The following HSPA12A variants were observed in gnomAD, a reference collection of about 807,000 sequenced individuals.
HSPA12A encodes heat shock 70 kDa protein 12A.
In HSPA12A, 28 loss-of-function variants were observed where a neutral mutation model predicts 69.2. The observed-to-expected ratio is 0.40, with a 90% CI of 0.30 to 0.55. The LOEUF is 0.55. HSPA12A is among the 20% of genes least tolerant of loss of function. The pLI, the probability that HSPA12A is intolerant of heterozygous loss-of-function variation, is 0.38. For synonymous variants in HSPA12A, 345 were observed against 370.5 expected, an observed-to-expected ratio of 0.93 and a Z score of 0.79; for missense variants, 686 against 900.7, an observed-to-expected ratio of 0.76 and a Z score of 3.05.
rs1473518003 is a variant in HSPA12A, at chr10:116,675,525, TGGGA to T, written c.1391-111_1391-108del. Reference sequence around the variant, plus strand: ...GAACGGATAAAGCCACTTGGGCCACTGGGAGGGCAGGCTTACTCTGAGCTCCTTG... The same window carrying T: ...GAACGGATAAAGCCACTTGGGCCACTGGGCAGGCTTACTCTGAGCTCCTTG... On this transcript the variant is annotated intron_variant, in intron 11 of 11. Coordinates refer to ENST00000369209, the MANE Select transcript of HSPA12A (RefSeq NM_025015.3). The surrounding 1 kb of genome is among the most constrained non-coding windows in gnomAD (Gnocchi z 5.2). The T allele has an allele frequency of 8.2e-5, 98 of 1,200,506 alleles. No homozygotes were observed. The highest frequency in any genetic ancestry group is 4.0e-4 in the Admixed American group (14 of 35,120). The allele number at this position is 1,200,506 out of a possible 1,614,324, so 74.4% of individuals were successfully genotyped here. A position where few individuals can be genotyped will look rare whatever the true frequency, so the allele number is the denominator to read the frequency against.
chr10:116,724,504 G>C (rs1204158187), intron 1 of HSPA12A, among the ~76,000 whole-genome samples: 12 of 152,120 alleles, frequency 7.9e-5, no homozygotes, highest in Non-Finnish European at 4.4e-5. Context: ...GCTGGATTTT[G>C]TGACAGCCCC....
chr10:116,838,151 G>A (rs77634324), intron 1 of HSPA12A, among the ~76,000 whole-genome samples: 6,315 of 152,218 alleles, frequency 0.041, 423 homozygotes, highest in African/African-American at 0.14. Context: ...TATTTGATCG[G>A]TGGTCTAGGC....
In HSPA12A at chr10:116,710,085, T is replaced by C. The variant is rs781819278; in HGVS notation, c.41-2800A>G. ...TCCCAGCACAAGGGAACCCCTTCCA[T>C]GAATGCAGGGGGAACTCTGCCTCCC... is the stretch of plus-strand genomic sequence containing the variant. On this transcript the variant is annotated intron_variant, in intron 1 of 11. Coordinates refer to ENST00000369209, the MANE Select transcript of HSPA12A (RefSeq NM_025015.3). The surrounding 1 kb of genome is among the most constrained non-coding windows in gnomAD (Gnocchi z 4.1). Among the ~76,000 whole-genome samples the C allele has an allele frequency of 4.0e-4, 61 of 152,290 alleles. No individual in the cohort carries two copies. Among genetic ancestry groups the C allele is most frequent in the Middle Eastern group, 6.8e-3 (2 of 294 alleles).
intron 1 of HSPA12A, among the ~76,000 whole-genome samples, chr10:116,721,203 G>A (rs1554884338): frequency 6.6e-6 from 1 of 152,152 alleles, no homozygotes; most frequent in Non-Finnish European, 1.5e-5. Flanking sequence ...AATTTCAAGG[G>A]TAACTAATCT....
intron 2 of HSPA12A, among the ~76,000 whole-genome samples, chr10:116,779,221 T>G (rs151251192): frequency 2.6e-5 from 4 of 152,264 alleles, no homozygotes; most frequent in Non-Finnish European, 5.9e-5. Flanking sequence ...GTGGGTGTAA[T>G]GAGTCACTGC....
intron 1 of HSPA12A, among the ~76,000 whole-genome samples, chr10:116,715,759 C>T (rs1298309394): frequency 6.6e-6 from 1 of 152,180 alleles, no homozygotes; most frequent in African/African-American, 2.4e-5. Context: ...AGCACCTGGC[C>T]CATACATGGT....
At chr10:116,771,609 G>T (rs1410335786) in intron 2 of HSPA12A, among the ~76,000 whole-genome samples, 6 of 152,236 alleles carry the variant, frequency 3.9e-5, no homozygotes, top group Non-Finnish European at 7.3e-5. Flanking sequence ...GGATGGGACG[G>T]CAATTGCGAA....
intron 2 of HSPA12A, chr10:116,830,489 T>C (rs1020841791): frequency 6.6e-6 from 1 of 152,192 alleles, no homozygotes; most frequent in Non-Finnish European, 1.5e-5. Context: ...AATATGCATA[T>C]ATGGGCTGGT....
intron 1 of HSPA12A, among the ~76,000 whole-genome samples, chr10:116,713,011 T>TATATATATATATA (rs1554883335): frequency 7.4e-4 from 97 of 130,934 alleles, no homozygotes; most frequent in African/African-American, 1.2e-3. Flanking sequence ...TATATATATA[T>TATATATATATATA]TTGCATTTCT....
intron 1 of HSPA12A, among the ~76,000 whole-genome samples, chr10:116,714,687 A>G (rs1554883571): frequency 6.6e-6 from 1 of 152,170 alleles, no homozygotes; most frequent in African/African-American, 2.4e-5. Flanking sequence ...CCCATGCAAT[A>G]AAGTCCAGCA....
At chr10:116,782,813 C>T (rs1554891945) in intron 2 of HSPA12A, among the ~76,000 whole-genome samples, 1 of 152,148 alleles carries the variant, frequency 6.6e-6, no homozygotes, top group Non-Finnish European at 1.5e-5. Flanking sequence ...CAATGTTCTA[C>T]GTCTTAAGCT....
chr10:116,674,664 C>G lies in HSPA12A; in HGVS notation c.*117G>C. On this transcript the variant is annotated 3_prime_UTR_variant, in exon 12 of 12. Coordinates refer to ENST00000369209, the MANE Select transcript of HSPA12A (RefSeq NM_025015.3). ...CTAGCCCTGATTGTTCTCATCTTCC[C>G]TGCTGAAATTCACATGGGCAATGGT... is the stretch of plus-strand genomic sequence containing the variant. 1.9e-6 allele frequency: 2 copies of G among 1,027,320 alleles called. No homozygotes were observed. The allele number at this position is 1,027,320 out of a possible 1,614,324, so 63.6% of individuals were successfully genotyped here. A position where few individuals can be genotyped will look rare whatever the true frequency, so the allele number is the denominator to read the frequency against.
At chr10:116,834,329 T>C (rs1845672107) in intron 2 of HSPA12A, among the ~76,000 whole-genome samples, 1 of 152,138 alleles carries the variant, frequency 6.6e-6, no homozygotes, top group Admixed American at 6.5e-5. Context: ...TTTAAAAGTG[T>C]GAATGTAAAT....
intron 1 of HSPA12A, among the ~76,000 whole-genome samples, chr10:116,717,604 T>A (rs782420544): frequency 6.6e-6 from 1 of 152,138 alleles, no homozygotes; most frequent in African/African-American, 2.4e-5. Context: ...TGGGCATCTA[T>A]ATCTGTAAAA....
At chr10:116,709,385 G>A (rs1187520812) in intron 1 of HSPA12A, among the ~76,000 whole-genome samples, 3 of 150,568 alleles carry the variant, frequency 2.0e-5, no homozygotes, top group Admixed American at 6.6e-5. Context: ...GAGGCGGAGG[G>A]TGCAGTGAGC....
chr10:116,708,820 G>A (rs1850337761), intron 1 of HSPA12A, among the ~76,000 whole-genome samples: 1 of 152,218 alleles, frequency 6.6e-6, no homozygotes, highest in African/African-American at 2.4e-5. Flanking sequence ...GTAGAGAAAT[G>A]CTAATCAAAA....
upstream of HSPA12A, chr10:116,742,673 G>C (rs1200287658): frequency 8.9e-6 from 8 of 894,690 alleles, no homozygotes; most frequent in South Asian, 5.2e-5. Context: ...CTCCGAGCTC[G>C]GGCCGGCCGG....
intron 2 of HSPA12A, among the ~76,000 whole-genome samples, chr10:116,770,538 G>A (rs1554890311): frequency 6.6e-6 from 1 of 152,212 alleles, no homozygotes; most frequent in African/African-American, 2.4e-5. Flanking sequence ...TGGCACAGGG[G>A]GCGGCAGGAA....
At chr10:116,713,270 G>A (rs1850500804) in intron 1 of HSPA12A, among the ~76,000 whole-genome samples, 1 of 151,944 alleles carries the variant, frequency 6.6e-6, no homozygotes, top group African/African-American at 2.4e-5. Flanking sequence ...ATTACTGTAA[G>A]CTGAACTTCC....
Sources: gnomAD v4.1 joint callset for allele counts (sites outside exome capture counted in the v4.1 genomes callset) on GRCh38, gnomAD v4.1.1 for gene constraint, Gnocchi (gnomAD v3.1) non-coding constraint, MANE v1.5 for transcripts, NCBI Gene and HGNC (gene_info 2026-07-23, HGNC 2026-07-21) for gene names.